Variants in TACC3 observed in about 807,000 individuals in gnomAD.
TACC3 encodes transforming acidic coiled-coil containing protein 3, also known as transforming acidic coiled-coil-containing protein 3.
A neutral mutation model predicts 86.0 loss-of-function variants in TACC3; 52 were observed. The ratio of observed to expected loss-of-function variants is 0.60; its 90% confidence interval spans 0.48 to 0.76. The LOEUF is 0.76. TACC3 is among the 30% of genes least tolerant of loss of function. The pLI is 0.00. For synonymous variants in TACC3, 512 were observed against 430.0 expected (o/e 1.19, Z -2.36); for missense variants, 1,120 against 1,070.4 (o/e 1.05, Z -0.65).
chr4:1,741,116 G>C, intron 13 of TACC3, 130 bp downstream of exon 13: 1 of 892,232 alleles, frequency 1.1e-6, no homozygotes, highest in Non-Finnish European at 1.7e-6. Context: ...CGGGGGCATG[G>C]GATGACCTGT....
At chr4:1,730,132 G>A (rs1577212358) in intron 4 of TACC3, among the ~76,000 whole-genome samples, 2 of 152,276 alleles carry the variant, frequency 1.3e-5, no homozygotes, top group South Asian at 2.1e-4. Flanking sequence ...TCTGCCTCCC[G>A]GGTTCACACC....
chr4:1,740,273 G>A (rs952145548), intron 12 of TACC3: 3 of 567,570 alleles, frequency 5.3e-6, no homozygotes, highest in South Asian at 2.1e-5. Flanking sequence ...TGTGGTGGGA[G>A]CAGAGTCTGT....
chr4:1,728,386 C>T lies in TACC3; in HGVS notation c.984C>T (p.Ala328=), dbSNP rs1717818847. Residue 328 remains alanine (A), a synonymous_variant, in exon 4 of 16, where the codon GCC becomes GCT. Coordinates refer to ENST00000313288, the MANE Select transcript of TACC3 (RefSeq NM_006342.3). ...PQEEVAAGQM[A]SSSRSGPVKL... Reference sequence around the variant, plus strand: ...AAGAAGTGGCTGCAGGCCAAATGGCCAGCTCCTCGAGGAGCGGACCTGTAA... The same window carrying T: ...AAGAAGTGGCTGCAGGCCAAATGGCTAGCTCCTCGAGGAGCGGACCTGTAA... 2 of 1,613,026 alleles carry T rather than the reference C, an allele frequency of 1.2e-6. No individual in the cohort carries two copies. Among genetic ancestry groups the T allele is most frequent in the Non-Finnish European group, 1.7e-6 (2 of 1,180,018 alleles).
In TACC3 at chr4:1,740,927, T is replaced by C; in HGVS notation, c.2164T>C (p.Phe722Leu). ...AGATCTGAACTCCATGGAGAAGTCC[T>C]TCTCCGACCTCTTCAAGCGTTTTGA... is the stretch of plus-strand genomic sequence containing the variant. ...TTDLNSMEKS[F>L]SDLFKRFEKQ... is the part of the protein sequence containing the mutation. The change falls in exon 13 of 16, where the codon TTC (phenylalanine) becomes CTC (leucine). Residue 722 changes from phenylalanine to leucine, a missense_variant. Phe to Leu is a conservative substitution (Grantham distance 22). Coordinates refer to ENST00000313288, the MANE Select transcript of TACC3 (RefSeq NM_006342.3). 14 of 1,612,822 alleles carry C rather than the reference T, an allele frequency of 8.7e-6. No homozygotes were observed. Among genetic ancestry groups the C allele is most frequent in the Non-Finnish European group, 1.2e-5 (14 of 1,179,796 alleles).
At chr4:1,729,040 C>T (rs1485521305) in intron 4 of TACC3, among the ~76,000 whole-genome samples, 2 of 152,180 alleles carry the variant, frequency 1.3e-5, no homozygotes, top group Admixed American at 1.3e-4. Flanking sequence ...GGGCTCAGGC[C>T]AGAAGCCAAA....
intron 10 of TACC3, chr4:1,737,982 C>T (rs1207557090): frequency 1.9e-6 from 1 of 526,768 alleles, no homozygotes; most frequent in Non-Finnish European, 3.6e-6. Flanking sequence ...GGTGGCCTTG[C>T]AGCAGTGAGT....
chr4:1,740,773 C>A (rs1441876921), intron 12 of TACC3, 53 bp from the exon 13 acceptor site: 49 of 1,532,158 alleles, frequency 3.2e-5, no homozygotes, highest in Non-Finnish European at 4.0e-5. Flanking sequence ...GTCTCTGGCA[C>A]CCATCGTTTC....
In TACC3 at chr4:1,745,020, C is replaced by A; in HGVS notation, c.*7C>A. 6.2e-7 allele frequency: 1 copy of A among 1,602,008 alleles called. No homozygotes were observed. Among genetic ancestry groups the A allele is most frequent in the Non-Finnish European group, 8.5e-7 (1 of 1,174,882 alleles). On this transcript the variant is annotated 3_prime_UTR_variant, in exon 16 of 16. Transcript: ENST00000313288. ...CAAGATGGAGAAGATCTGACCTCCA[C>A]GGAGCCGCTGTCCCCGCCCCCCTGC...
chr4:1,731,926 G>A (rs539807466), intron 6 of TACC3, among the ~76,000 whole-genome samples: 8 of 152,240 alleles, frequency 5.3e-5, no homozygotes, highest in Admixed American at 2.0e-4. Context: ...GAGCCCCCGC[G>A]CCCGGCCCAG....
Position 1,735,380 on chromosome 4 carries a change from A to G in TACC3, c.1644+55A>G. ...ACCCACAGGGTGTCCGAGAGCAGCC[A>G]CGGCAGGTCTTGCCCCCGGAGCGTC... On this transcript the variant is annotated intron_variant, in intron 7 of 15. Transcript: ENST00000313288. This position sits in a 1 kb window ranked among gnomAD's most constrained non-coding sequence, Gnocchi z 4.2. 2 of 1,608,794 alleles carry G rather than the reference A, an allele frequency of 1.2e-6. No homozygotes were observed. The highest frequency in any genetic ancestry group is 1.7e-6 in the Non-Finnish European group (2 of 1,175,686).
chr4:1,727,496 C>T (rs1378532228), intron 3 of TACC3, among the ~76,000 whole-genome samples: 1 of 152,144 alleles, frequency 6.6e-6, no homozygotes, highest in African/African-American at 2.4e-5. Context: ...GTGGTTGTGT[C>T]CAGCCGTTCC....
At chr4:1,742,572 G>A (rs374821137) in intron 13 of TACC3, among the ~76,000 whole-genome samples, 3 of 152,174 alleles carry the variant, frequency 2.0e-5, no homozygotes, top group South Asian at 4.1e-4. Flanking sequence ...AGACCGAGAC[G>A]GGTGGATCAC....
Position 1,723,792 on chromosome 4 carries a change from G to A in TACC3, c.227G>A (p.Ser76Asn). 1 of 1,613,856 alleles carries A rather than the reference G, an allele frequency of 6.2e-7. No homozygotes were observed. Among genetic ancestry groups the A allele is most frequent in the Non-Finnish European group, 8.5e-7 (1 of 1,180,010 alleles). Reference sequence around the variant, plus strand: ...AGGATTCTAAGTCCTAGCATGGCCAGCAAACTTGAGGCTCCTTTCACTCAG... The same window carrying A: ...AGGATTCTAAGTCCTAGCATGGCCAACAAACTTGAGGCTCCTTTCACTCAG... The part of the protein sequence containing the change: ...THRILSPSMA[S>N]KLEAPFTQDD... Residue 76 changes from serine (S) to asparagine (N), a missense_variant, in exon 3 of 16, where the codon AGC (serine) becomes AAC (asparagine). Transcript: ENST00000313288.
At chr4:1,738,502 C>T (rs549888210) in intron 10 of TACC3, among the ~76,000 whole-genome samples, 8 of 152,328 alleles carry the variant, frequency 5.3e-5, no homozygotes, top group Middle Eastern at 3.4e-3. Flanking sequence ...GCCTGGGCTC[C>T]GGGGGCAGGT....
At chr4:1,730,293 T>C in intron 4 of TACC3, 1 of 190,260 alleles carries the variant, frequency 5.3e-6, no homozygotes, top group Non-Finnish European at 1.1e-5. Context: ...CGCCTCGGCC[T>C]CCCAAAGTGC....
intron 13 of TACC3, 32 bp downstream of exon 13, chr4:1,741,018 C>T (rs769591625): frequency 6.3e-6 from 10 of 1,575,346 alleles, no homozygotes; most frequent in Admixed American, 1.9e-5. Context: ...GTCCTCACCT[C>T]GGAGGCTGAT....
At chr4:1,730,627 A>C in intron 4 of TACC3, 1 of 622,380 alleles carries the variant, frequency 1.6e-6, no homozygotes, top group Non-Finnish European at 3.0e-6. Flanking sequence ...CTTTGGCTGC[A>C]TCGTGCTGAC....
At chr4:1,742,845 A>G (rs963326021) in intron 13 of TACC3, among the ~76,000 whole-genome samples, 2 of 150,014 alleles carry the variant, frequency 1.3e-5, no homozygotes, top group South Asian at 2.1e-4. Flanking sequence ...GTGTGCACCT[A>G]TAGTCCCAGC....
chr4:1,741,291 C>T (rs964854990), intron 13 of TACC3: 15 of 236,194 alleles, frequency 6.4e-5, no homozygotes, highest in African/African-American at 3.0e-4. Flanking sequence ...GCTGGTGCAC[C>T]GGGGCCTGGG....
Sources: allele counts gnomAD v4.1 joint callset (sites outside exome capture counted in the v4.1 genomes callset), GRCh38; gene constraint gnomAD v4.1.1; non-coding constraint Gnocchi (gnomAD v3.1); transcripts MANE v1.5; gene names NCBI Gene and HGNC (gene_info 2026-07-23, HGNC 2026-07-21).